MTREX: variants seen among roughly 807,000 people sequenced by gnomAD.
The protein encoded by MTREX is exosome RNA helicase MTR4.
Under a neutral mutation model 135.4 loss-of-function variants are expected in MTREX, and 76 were observed. That is an observed-to-expected ratio of 0.56 (90% CI 0.47 to 0.68). The LOEUF (loss-of-function observed/expected upper bound fraction) is 0.68. MTREX is among the 30% of genes least tolerant of loss of function. The probability of loss-of-function intolerance (pLI) is 0.00; values close to 1 mark genes in which losing one functional copy is unlikely to be tolerated. For synonymous variants in MTREX, 404 were observed against 401.6 expected (o/e 1.01, Z -0.07); for missense variants, 920 against 1,262.1 (o/e 0.73, Z 4.11).
chr5:55,345,211 T>C lies in MTREX; in HGVS notation c.1108+15T>C. 6.6e-6 allele frequency: 10 copies of C among 1,517,770 alleles called. No individual in the cohort carries two copies. The highest frequency in any genetic ancestry group is 9.1e-6 in the Non-Finnish European group (10 of 1,095,788). 94.0% of individuals were successfully genotyped at this position (1,517,770 alleles called of 1,614,324 possible). A position where few individuals can be genotyped will look rare whatever the true frequency, so the allele number is the denominator to read the frequency against. ...AGGAACAAAAGGTAATTTGGAACTT[T>C]GCTTTGAGAGAATTTTACATGTAAA... On this transcript the variant is annotated intron_variant, in intron 10 of 26. Transcript: ENST00000230640.
chr5:55,345,081 T>A lies in MTREX; in HGVS notation c.1006-13T>A, dbSNP rs750918797. The A allele has an allele frequency of 1.5e-5, 24 of 1,560,996 alleles. No homozygotes were observed. In the South Asian group the frequency reaches 2.2e-4, roughly 14 times the overall value. On this transcript the variant is annotated splice_polypyrimidine_tract_variant and intron_variant, in intron 9 of 26. Transcript: ENST00000230640. ...TATTAGTGAAGTTACACAGAAAAAA[T>A]TTGTGATTCCAGGGTGACTTCAGAG...
At chr5:55,406,663 T>C (rs1750813565) in intron 22 of MTREX, among the ~76,000 whole-genome samples, 1 of 152,200 alleles carries the variant, frequency 6.6e-6, no homozygotes, top group South Asian at 2.1e-4. Context: ...TCTGTGATAA[T>C]TGGATTGTTC....
At chr5:55,319,578 G>C in intron 1 of MTREX, among the ~76,000 whole-genome samples, 1 of 152,148 alleles carries the variant, frequency 6.6e-6, no homozygotes, top group South Asian at 2.1e-4. Context: ...TATAGAGCAT[G>C]CTACCCTTAT....
chr5:55,318,871 C>T (rs1398168873), intron 1 of MTREX, among the ~76,000 whole-genome samples: 1 of 152,064 alleles, frequency 6.6e-6, no homozygotes, highest in African/African-American at 2.4e-5. Context: ...ACAAGTAGTA[C>T]TAAATGTCAT....
chr5:55,385,468 C>T, intron 18 of MTREX, among the ~76,000 whole-genome samples: 1 of 152,262 alleles, frequency 6.6e-6, no homozygotes, highest in African/African-American at 2.4e-5. Flanking sequence ...CCTGCCCCTC[C>T]TAAAAGCCCT....
At chr5:55,403,298 G>A (rs899928837) in intron 21 of MTREX, among the ~76,000 whole-genome samples, 6 of 152,012 alleles carry the variant, frequency 3.9e-5, no homozygotes, top group African/African-American at 1.4e-4. Flanking sequence ...ATCCATGGAT[G>A]TGGAACCCAC....
intron 12 of MTREX, 151 bp from the exon 13 acceptor site, chr5:55,350,768 T>C (rs541365772): frequency 3.1e-6 from 2 of 648,104 alleles, no homozygotes; most frequent in East Asian, 6.1e-5. Context: ...TCCGTGAGAA[T>C]ATAGGTTTGA....
chr5:55,327,404 CTG>C (rs1749400170), intron 3 of MTREX: 1 of 228,682 alleles, frequency 4.4e-6, no homozygotes, highest in African/African-American at 2.3e-5. Context: ...TTTCTACCCA[CTG>C]TGTTGTTATT....
chr5:55,367,867 CA>C (rs1278559832), intron 16 of MTREX, among the ~76,000 whole-genome samples: 1 of 152,114 alleles, frequency 6.6e-6, no homozygotes, highest in Admixed American at 6.5e-5. Flanking sequence ...TGTGCGTAGT[CA>C]TCGTAAAAAG....
At chr5:55,381,726 T>C (rs1750399111) in intron 18 of MTREX, among the ~76,000 whole-genome samples, 1 of 152,224 alleles carries the variant, frequency 6.6e-6, no homozygotes, top group Admixed American at 6.5e-5. Context: ...TCTGCTGCTT[T>C]AAGGTGGGAT....
chr5:55,388,084 T>C lies in MTREX; in HGVS notation c.2163T>C (p.Asp721=). The change falls in exon 19 of 27, where the codon GAT becomes GAC. Residue 721 remains aspartate, a synonymous_variant. Coordinates refer to ENST00000230640, the MANE Select transcript of MTREX (RefSeq NM_015360.5). Reference sequence around the variant, plus strand: ...AAGCTGCAAAACCAGCTAAACCTGATGAGAAAGGAGAGATGCAGGTTTGTA... The same window carrying C: ...AAGCTGCAAAACCAGCTAAACCTGACGAGAAAGGAGAGATGCAGGTTTGTA... ...ATEAAKPAKP[D]EKGEMQVVPV... is the part of the protein sequence containing the mutation. 6.2e-7 allele frequency: 1 copy of C among 1,606,398 alleles called. No individual in the cohort carries two copies. The highest frequency in any genetic ancestry group is 8.5e-7 in the Non-Finnish European group (1 of 1,174,558).
chr5:55,326,018 A>G (rs1179630549), intron 3 of MTREX, among the ~76,000 whole-genome samples: 1 of 152,220 alleles, frequency 6.6e-6, no homozygotes, highest in East Asian at 1.9e-4. Context: ...GAGGTAGTAC[A>G]TAGTGTCTGA....
rs763700339 is a variant in MTREX at position 55,312,413 on chromosome 5, C to CT, written c.134+4277dup. Among the ~76,000 whole-genome samples the CT allele has an allele frequency of 6.8e-3, 948 of 139,734 alleles. 7 individuals carry two copies. Among genetic ancestry groups the CT allele is most frequent in the African/African-American group, 0.024 (881 of 36,766 alleles). 91.7% of individuals were successfully genotyped at this position (139,734 alleles called of 152,430 possible). A position where few individuals can be genotyped will look rare whatever the true frequency, so the allele number is the denominator to read the frequency against. On this transcript the variant is annotated intron_variant, in intron 1 of 26. Transcript: ENST00000230640. ...TACTCCTTTGCACTTATTTCTTCTTCTTTTTTTTTTTAATCTTATTGGGGT... is the reference window on the plus strand; with the variant it reads ...TACTCCTTTGCACTTATTTCTTCTTCTTTTTTTTTTTTAATCTTATTGGGGT...
intron 1 of MTREX, among the ~76,000 whole-genome samples, chr5:55,319,731 C>T (rs948037269): frequency 6.6e-6 from 1 of 152,300 alleles, no homozygotes; most frequent in Middle Eastern, 3.4e-3. Flanking sequence ...ATGTGACGTA[C>T]ATACCAAGCT....
intron 15 of MTREX, among the ~76,000 whole-genome samples, chr5:55,364,709 G>A (rs1159799413): frequency 6.6e-6 from 1 of 152,192 alleles, no homozygotes; most frequent in Admixed American, 6.5e-5. Flanking sequence ...CTTTGGACTA[G>A]AGTGGTGGCA....
At position 55,424,577 on chromosome 5, in the gene MTREX, GGT is replaced by G. The variant is rs1220399159; in HGVS notation, c.3077-140_3077-139del. ...ACAGAGGTGGCTGCAAATTCCTCTA[GGT>G]GTTCAGCAAGGTGTTTGACTTTCTA... On this transcript the variant is annotated intron_variant, in intron 26 of 26. Coordinates refer to ENST00000230640, the MANE Select transcript of MTREX (RefSeq NM_015360.5). 1.6e-5 allele frequency: 10 copies of G among 606,568 alleles called. No individual in the cohort carries two copies. The African/African-American group carries it at 1.9e-4, about 11-fold the overall frequency. The allele number at this position is 606,568 out of a possible 1,614,324, so 37.6% of individuals were successfully genotyped here. A position where few individuals can be genotyped will look rare whatever the true frequency, so the allele number is the denominator to read the frequency against.
intron 1 of MTREX, 110 bp downstream of exon 1, chr5:55,308,257 T>G: frequency 7.5e-7 from 1 of 1,332,762 alleles, no homozygotes; most frequent in Non-Finnish European, 1.0e-6. Flanking sequence ...TTGAGTGGCG[T>G]TGGAAGTGAA....
At chr5:55,328,369 G>C (rs1749416650) in intron 4 of MTREX, among the ~76,000 whole-genome samples, 1 of 152,074 alleles carries the variant, frequency 6.6e-6, no homozygotes, top group African/African-American at 2.4e-5. Flanking sequence ...GTGAAAATTA[G>C]TAATAATATA....
At chr5:55,327,900 C>A in intron 4 of MTREX, 122 bp downstream of exon 4, 1 of 648,270 alleles carries the variant, frequency 1.5e-6, no homozygotes, top group Non-Finnish European at 2.6e-6. Context: ...CAAGAACAAG[C>A]CAACTAAAGA....
Sources: gnomAD v4.1 joint callset for allele counts (sites outside exome capture counted in the v4.1 genomes callset) on GRCh38, gnomAD v4.1.1 for gene constraint, MANE v1.5 for transcripts, NCBI Gene and HGNC (gene_info 2026-07-23, HGNC 2026-07-21) for gene names.